The following RHCE variants were observed in gnomAD, a reference collection of about 807,000 sequenced individuals.
RHCE encodes Rh blood group CcEe antigens.
A neutral mutation model predicts 43.8 loss-of-function variants in RHCE; 22 were observed. That is an observed-to-expected ratio of 0.50 (90% CI 0.36 to 0.72). The LOEUF is 0.72. Ranked by LOEUF, RHCE falls within the 30% of genes least tolerant of loss-of-function variation. RHCE has a pLI of 0.00. For missense variants in RHCE, 385 were observed against 525.4 expected (o/e 0.73, Z 2.61); for synonymous variants, 156 against 210.7 (o/e 0.74, Z 2.25).
At position 25,376,695 on chromosome 1, in the gene RHCE, A is replaced by C. The variant is rs568815880; in HGVS notation, c.1074-1267T>G. 5.3e-5 allele frequency among the ~76,000 whole-genome samples: 8 copies of C among 152,264 alleles called. No individual in the cohort carries two copies. In the East Asian group the frequency reaches 1.5e-3, roughly 29 times the overall value. On this transcript the variant is annotated intron_variant, in intron 7 of 9. Transcript: ENST00000294413. ...TTTGGGAGGCCGAGGCGGGTGGATCATGAGGTCAGGAGATGGAGACCATCC... is the reference window on the plus strand; with the variant it reads ...TTTGGGAGGCCGAGGCGGGTGGATCCTGAGGTCAGGAGATGGAGACCATCC...
intron 1 of RHCE, among the ~76,000 whole-genome samples, chr1:25,414,478 C>T (rs558162872): frequency 3.8e-4 from 58 of 152,144 alleles, no homozygotes; most frequent in African/African-American, 1.4e-3. Context: ...ACTCTACCGG[C>T]GACTCTCACC....
At chr1:25,383,440 T>C (rs1646058848) in intron 7 of RHCE, among the ~76,000 whole-genome samples, 2 of 152,210 alleles carry the variant, frequency 1.3e-5, no homozygotes, top group East Asian at 3.8e-4. Flanking sequence ...CCCATACTGA[T>C]GCAGCATCAG....
intron 6 of RHCE, among the ~76,000 whole-genome samples, chr1:25,387,073 C>T (rs1008627883): frequency 3.9e-5 from 6 of 152,154 alleles, no homozygotes; most frequent in Admixed American, 6.5e-5. Flanking sequence ...GACCCCTCAA[C>T]TAGCCCAGGA....
intron 1 of RHCE, among the ~76,000 whole-genome samples, chr1:25,412,397 G>C (rs1647109202): frequency 6.6e-6 from 1 of 152,144 alleles, no homozygotes; most frequent in Non-Finnish European, 1.5e-5. Flanking sequence ...GCCTGGATAA[G>C]GGCAGAGTTG....
chr1:25,390,853 G>C lies in RHCE; in HGVS notation c.697C>G (p.Gln233Glu), dbSNP rs142246017. ...GTGTTGAACATGGCATTCTTCCTTT[G>C]GATTGGACTTCTCAGCAGAGCAGAG... ...VNSALLRSPI[Q>E]RKNAMFNTYY... Residue 233 changes from glutamine (Q) to glutamate (E), a missense_variant, in exon 5 of 10, where the codon CAA becomes GAA. By Grantham distance (29) the Gln-to-Glu change is conservative. Transcript: ENST00000294413. 1.7e-4 allele frequency: 272 copies of C among 1,614,056 alleles called. 1 individual carries two copies. The African/African-American group carries it at 2.1e-3, about 12-fold the overall frequency.
chr1:25,387,882 G>A (rs1339500727), intron 6 of RHCE, among the ~76,000 whole-genome samples: 5 of 151,618 alleles, frequency 3.3e-5, no homozygotes, highest in African/African-American at 4.8e-5. Context: ...GTGCAGTGGC[G>A]CAATTTCGGC....
intron 1 of RHCE, 24 bp downstream of exon 1, chr1:25,420,615 A>G (rs2042742070): frequency 6.2e-7 from 1 of 1,613,858 alleles, no homozygotes; most frequent in Non-Finnish European, 8.5e-7. Context: ...TGCTCCTGTG[A>G]CCACTGTTCC....
At chr1:25,417,055 C>T (rs2982352) in intron 1 of RHCE, among the ~76,000 whole-genome samples, 1 of 151,664 alleles carries the variant, frequency 6.6e-6, no homozygotes, top group African/African-American at 2.4e-5. Flanking sequence ...TAATCCTTCT[C>T]TACTTTTTCT....
At chr1:25,404,092 C>T (rs563728259) in intron 2 of RHCE, among the ~76,000 whole-genome samples, 108 of 145,110 alleles carry the variant, frequency 7.4e-4, no homozygotes, top group African/African-American at 2.5e-3. Flanking sequence ...CGCTTGAACC[C>T]GGGAGGCAGA....
intron 7 of RHCE, among the ~76,000 whole-genome samples, chr1:25,377,759 G>A (rs1423634718): frequency 6.6e-6 from 1 of 152,116 alleles, no homozygotes; most frequent in Admixed American, 6.5e-5. Flanking sequence ...ACAAAAATTC[G>A]GTGGGCATGG....
At chr1:25,383,382 G>T (rs28691087) in intron 7 of RHCE, among the ~76,000 whole-genome samples, 37 of 152,326 alleles carry the variant, frequency 2.4e-4, no homozygotes, top group African/African-American at 8.7e-4. Context: ...TAAGTGCTGT[G>T]ACTTTGCACT....
intron 1 of RHCE, among the ~76,000 whole-genome samples, chr1:25,412,609 G>C (rs979480127): frequency 4.0e-5 from 6 of 151,836 alleles, no homozygotes; most frequent in Admixed American, 6.6e-5. Context: ...CTACTCAGGA[G>C]GGTGAGGTGG....
In RHCE at chr1:25,392,152, AC is replaced by A; in HGVS notation, c.487-12del. On this transcript the variant is annotated splice_polypyrimidine_tract_variant and intron_variant, in intron 3 of 9. Coordinates refer to ENST00000294413, the MANE Select transcript of RHCE (RefSeq NM_020485.8). ...CATGTGGTAGTCTGTCTGCAATAAA[AC>A]CCAGTAAGAGCAGTGAGTGTCGGCA... 1 of 1,614,054 alleles carries A rather than the reference AC, an allele frequency of 6.2e-7. No individual in the cohort carries two copies.
chr1:25,426,233 G>A (rs544275200), intron 2 of RHCE, among the ~76,000 whole-genome samples: 3 of 152,316 alleles, frequency 2.0e-5, no homozygotes, highest in South Asian at 2.1e-4. Context: ...GTCCATTTCA[G>A]TCTCTCCAAA....
At chr1:25,417,184 C>T (rs1370299089) in intron 1 of RHCE, among the ~76,000 whole-genome samples, 19 of 151,100 alleles carry the variant, frequency 1.3e-4, no homozygotes. Context: ...TCATACCTAA[C>T]AAAATTAACA....
chr1:25,427,681 T>C (rs546232910), intron 2 of RHCE, among the ~76,000 whole-genome samples: 15 of 152,318 alleles, frequency 9.8e-5, no homozygotes, highest in African/African-American at 3.4e-4. Context: ...GCCATTCCCA[T>C]CATCTCACCC....
At position 25,370,915 on chromosome 1, in the gene RHCE, A is replaced by ATT. The variant is rs77875421; in HGVS notation, c.1154-377_1154-376dup. On this transcript the variant is annotated intron_variant, in intron 8 of 9. Transcript: ENST00000294413. ...AGGCGCCTGCCACCACATCCAGCTA[A>ATT]TTTTTTTTTTTTTTTTTTTTTAGTA... Among the ~76,000 whole-genome samples, 60 of 124,776 alleles carry ATT rather than the reference A, an allele frequency of 4.8e-4. 3 individuals are homozygous for ATT. Among genetic ancestry groups the ATT allele is most frequent in the African/African-American group, 1.6e-3 (54 of 32,866 alleles). The allele number at this position is 124,776 out of a possible 152,430, so 81.9% of individuals were successfully genotyped here. A position where few individuals can be genotyped will look rare whatever the true frequency, so the allele number is the denominator to read the frequency against.
At chr1:25,411,378 G>A in intron 1 of RHCE, 24 of 1,550,552 alleles carry the variant, frequency 1.5e-5, no homozygotes, top group Non-Finnish European at 2.0e-5. Flanking sequence ...ATAACAATGA[G>A]AAGCTCTCAT....
upstream of RHCE, among the ~76,000 whole-genome samples, chr1:25,422,335 T>C (rs941711894): frequency 6.6e-6 from 1 of 152,118 alleles, no homozygotes; most frequent in African/African-American, 2.4e-5. Flanking sequence ...GAGGATAGAC[T>C]GTTTAGTGAA....
Sources: allele counts gnomAD v4.1 joint callset (sites outside exome capture counted in the v4.1 genomes callset), GRCh38; gene constraint gnomAD v4.1.1; transcripts MANE v1.5; gene names NCBI Gene and HGNC (gene_info 2026-07-23, HGNC 2026-07-21).